RHPN2: variants seen among roughly 807,000 people sequenced by gnomAD.
The protein encoded by RHPN2 is rhophilin-2.
RHPN2 carries 40 observed loss-of-function variants against 79.0 expected under a neutral mutation model. That is an observed-to-expected ratio of 0.51 (90% CI 0.39 to 0.66). The LOEUF is 0.66. Ranked by LOEUF, RHPN2 falls within the 30% of genes least tolerant of loss-of-function variation. The probability of loss-of-function intolerance (pLI) is 0.00; values close to 1 mark genes in which losing one functional copy is unlikely to be tolerated. For missense variants in RHPN2, 686 were observed against 883.5 expected (o/e 0.78, Z 2.83); for synonymous variants, 285 against 363.5 (o/e 0.78, Z 2.46).
chr19:33,039,075 C>T (rs574502829), intron 2 of RHPN2, among the ~76,000 whole-genome samples: 2 of 152,244 alleles, frequency 1.3e-5, no homozygotes, highest in Admixed American at 6.6e-5. Context: ...GGAATAAGCA[C>T]CACATTGACA....
At chr19:32,986,921 G>A (rs1971617088) in intron 14 of RHPN2, among the ~76,000 whole-genome samples, 1 of 151,554 alleles carries the variant, frequency 6.6e-6, no homozygotes, top group Non-Finnish European at 1.5e-5. Context: ...TGACACCCAG[G>A]CTGGAGTGCA....
chr19:33,055,627 CA>C (rs1237899918), intron 1 of RHPN2, among the ~76,000 whole-genome samples: 2 of 151,390 alleles, frequency 1.3e-5, no homozygotes, highest in East Asian at 3.9e-4. Context: ...AAGATGCACA[CA>C]AGTGTCTAAC....
chr19:33,045,055 T>TC (rs1302365769), intron 1 of RHPN2, among the ~76,000 whole-genome samples: 3 of 149,808 alleles, frequency 2.0e-5, no homozygotes, highest in Admixed American at 6.7e-5. Context: ...ATCTACTTTT[T>TC]TTTTTTTTTT....
In RHPN2 at chr19:33,008,124, G is replaced by A; in HGVS notation, c.650C>T (p.Ala217Val). Reference sequence around the variant, plus strand: ...GGCCCCAGTGTTGAACAGGACACTGGCCTTCTCCAGCAGCAGGTTCTGCTG... The same window carrying A: ...GGCCCCAGTGTTGAACAGGACACTGACCTTCTCCAGCAGCAGGTTCTGCTG... Reference protein sequence around the residue: ...VSQQNLLLEKASVLFNTGALY... With the variant: ...VSQQNLLLEKVSVLFNTGALY... The change falls in exon 7 of 15, where the codon GCC becomes GTC. Residue 217 changes from alanine (A) to valine (V), a missense_variant. Transcript: ENST00000254260. 6.2e-7 allele frequency: 1 copy of A among 1,614,092 alleles called. No individual in the cohort carries two copies. Among genetic ancestry groups the A allele is most frequent in the Non-Finnish European group, 8.5e-7 (1 of 1,180,002 alleles).
At chr19:32,993,934 C>T (rs1971680449) in intron 12 of RHPN2, 43 bp downstream of exon 12, 1 of 1,427,894 alleles carries the variant, frequency 7.0e-7, no homozygotes, top group Admixed American at 1.7e-5. Flanking sequence ...AAGTGAAGAG[C>T]TGTCCCCTTA....
intron 6 of RHPN2, among the ~76,000 whole-genome samples, chr19:33,009,909 G>A (rs1339747470): frequency 6.6e-6 from 1 of 152,028 alleles, no homozygotes; most frequent in Non-Finnish European, 1.5e-5. Flanking sequence ...CTCCCAAGTA[G>A]CTGGGATTAC....
chr19:32,991,193 C>T (rs780867596), intron 13 of RHPN2: 68 of 195,624 alleles, frequency 3.5e-4, no homozygotes, highest in African/African-American at 1.5e-3. Context: ...CCAGGTGGCT[C>T]ACACTTGTAA....
chr19:33,037,808 G>A (rs755511070), intron 2 of RHPN2, among the ~76,000 whole-genome samples: 11 of 152,256 alleles, frequency 7.2e-5, no homozygotes, highest in Admixed American at 1.3e-4. Context: ...AGGGTCCGTC[G>A]CTTCATTCTT....
At chr19:32,996,980 C>T (rs1971707523) in intron 10 of RHPN2, among the ~76,000 whole-genome samples, 1 of 152,168 alleles carries the variant, frequency 6.6e-6, no homozygotes, top group African/African-American at 2.4e-5. Context: ...ACCGCAGCCT[C>T]AAACTCCTGG....
intron 2 of RHPN2, among the ~76,000 whole-genome samples, chr19:33,036,560 C>T (rs148658759): frequency 0.064 from 9,721 of 152,216 alleles, 429 homozygotes; most frequent in Non-Finnish European, 0.092. Context: ...CCCTTCAGCC[C>T]GCCGCTGCAC....
intron 2 of RHPN2, among the ~76,000 whole-genome samples, chr19:33,039,112 C>T (rs1972080497): frequency 1.3e-5 from 2 of 152,146 alleles, no homozygotes; most frequent in Admixed American, 1.3e-4. Flanking sequence ...CTTCAGCGAC[C>T]TTATTAGAGC....
Position 33,064,859 on chromosome 19 carries a change from GGC to G in RHPN2, c.-9_-8del. On this transcript the variant is annotated 5_prime_UTR_variant, in exon 1 of 15. Coordinates refer to ENST00000254260, the MANE Select transcript of RHPN2 (RefSeq NM_033103.5). ...GCAACAGCGCGTCGGTCATGCTAGC[GGC>G]GCGGGCGCGGAGGGCGGACGGCGGA... 6.7e-7 allele frequency: 1 copy of G among 1,503,282 alleles called. No individual in the cohort carries two copies. The highest frequency in any genetic ancestry group is 8.8e-7 in the Non-Finnish European group (1 of 1,132,984). The allele number at this position is 1,503,282 out of a possible 1,614,324, so 93.1% of individuals were successfully genotyped here. A position where few individuals can be genotyped will look rare whatever the true frequency, so the allele number is the denominator to read the frequency against.
chr19:33,046,276 G>GT (rs986285986), intron 1 of RHPN2, among the ~76,000 whole-genome samples: 7 of 151,868 alleles, frequency 4.6e-5, no homozygotes, highest in African/African-American at 1.5e-4. Context: ...TTTTGATTCT[G>GT]TTTTTTTGAG....
intron 13 of RHPN2, 137 bp downstream of exon 13, chr19:32,991,686 A>T: frequency 9.7e-7 from 1 of 1,029,926 alleles, no homozygotes; most frequent in Non-Finnish European, 1.5e-6. Flanking sequence ...AGTAAAAATT[A>T]ATCCTTTTCT....
chr19:33,048,547 G>A (rs954901055), intron 1 of RHPN2, among the ~76,000 whole-genome samples: 1 of 149,450 alleles, frequency 6.7e-6, no homozygotes, highest in Admixed American at 6.7e-5. Flanking sequence ...CCAACATGGT[G>A]AAACCCTGTC....
intron 12 of RHPN2, among the ~76,000 whole-genome samples, chr19:32,993,032 C>T (rs1294641966): frequency 2.0e-5 from 3 of 151,870 alleles, no homozygotes; most frequent in Admixed American, 2.0e-4. Context: ...GCAGGAGGAT[C>T]GCTTGAGCCC....
chr19:33,064,648 A>C, intron 1 of RHPN2, 136 bp downstream of exon 1: 231 of 565,836 alleles, frequency 4.1e-4, no homozygotes, highest in East Asian at 2.1e-3. Flanking sequence ...CCGTCCGGCC[A>C]GCGCCGGCCC....
chr19:33,033,552 G>A (rs1008395862), intron 2 of RHPN2, among the ~76,000 whole-genome samples: 1 of 151,808 alleles, frequency 6.6e-6, no homozygotes. Flanking sequence ...GCGACAGAGC[G>A]AGTCTCCATC....
At chr19:33,041,120 C>A (rs1972096849) in intron 2 of RHPN2, among the ~76,000 whole-genome samples, 1 of 152,156 alleles carries the variant, frequency 6.6e-6, no homozygotes, top group Non-Finnish European at 1.5e-5. Context: ...AGCCACGATA[C>A]CCTCTGACAG....
Sources: gnomAD v4.1 joint callset for allele counts (sites outside exome capture counted in the v4.1 genomes callset) on GRCh38, gnomAD v4.1.1 for gene constraint, MANE v1.5 for transcripts, NCBI Gene and HGNC (gene_info 2026-07-23, HGNC 2026-07-21) for gene names.